The following FRMPD4 variants were observed in gnomAD, a reference collection of about 807,000 sequenced individuals.
FRMPD4 encodes the protein FERM and PDZ domain-containing protein 4.
Under a neutral mutation model 94.1 loss-of-function variants are expected in FRMPD4, and 22 were observed. That is an observed-to-expected ratio of 0.23 (90% CI 0.17 to 0.33). The LOEUF is 0.33. Among genes scored for constraint, FRMPD4 ranks in the 10% least tolerant of loss-of-function variants. The pLI is 1.00. For missense variants in FRMPD4, 1,111 were observed against 1,339.9 expected, an observed-to-expected ratio of 0.83 and a Z score of 2.67; for synonymous variants, 631 against 548.6, an observed-to-expected ratio of 1.15 and a Z score of -2.10.
At chrX:11,852,217 C>T (rs17281150) in intron 1 of FRMPD4, among the ~76,000 whole-genome samples, 14,103 of 109,457 alleles carry the variant, frequency 0.13, 1,129 homozygotes, top group African/African-American at 0.28. Context: ...ATCTGGGCCA[C>T]ACAATCTTCT....
intron 3 of FRMPD4, among the ~76,000 whole-genome samples, chrX:12,046,692 T>TG (rs2147447423): frequency 8.9e-6 from 1 of 112,103 alleles, no homozygotes; most frequent in African/African-American, 3.2e-5. Flanking sequence ...GGGTGAGGGA[T>TG]GGGGGAAGGG....
upstream of FRMPD4, among the ~76,000 whole-genome samples, chrX:12,134,324 A>C (rs1416503433): frequency 2.7e-5 from 3 of 112,353 alleles, no homozygotes; most frequent in Non-Finnish European, 5.6e-5. Context: ...CCTCCTCTTC[A>C]TAAGTTCTAT....
chrX:12,041,452 T>A (rs959735078), intron 3 of FRMPD4, among the ~76,000 whole-genome samples: 1 of 112,290 alleles, frequency 8.9e-6, no homozygotes, highest in Non-Finnish European at 1.9e-5. Flanking sequence ...TGGCTAACTT[T>A]TTTCTTTTAG....
At chrX:12,668,693 C>T (rs1328103945) in intron 4 of FRMPD4, among the ~76,000 whole-genome samples, 4 of 105,927 alleles carry the variant, frequency 3.8e-5, no homozygotes, top group Non-Finnish European at 5.8e-5. Context: ...CAACCTCCAC[C>T]TCCTGGGTTC....
chrX:11,853,432 A>G (rs2053636581), intron 1 of FRMPD4, among the ~76,000 whole-genome samples: 1 of 111,457 alleles, frequency 9.0e-6, no homozygotes, highest in African/African-American at 3.3e-5. Context: ...TCAAAAGATC[A>G]ATGAATCCAG....
intron 1 of FRMPD4, among the ~76,000 whole-genome samples, chrX:12,202,755 G>A (rs2056645707): frequency 8.9e-6 from 1 of 112,167 alleles, no homozygotes; most frequent in Admixed American, 9.4e-5. Flanking sequence ...GATGTCTGGT[G>A]TCCTAATAAG....
At chrX:12,623,933 A>G (rs889544123) in intron 4 of FRMPD4, among the ~76,000 whole-genome samples, 1 of 112,084 alleles carries the variant, frequency 8.9e-6, no homozygotes, top group Non-Finnish European at 1.9e-5. Context: ...AGTCTCAGCT[A>G]TTTGGGAGGC....
intron 1 of FRMPD4, among the ~76,000 whole-genome samples, chrX:12,425,171 G>T (rs1447226757): frequency 5.4e-5 from 6 of 111,960 alleles, no homozygotes; most frequent in Non-Finnish European, 9.4e-5. Flanking sequence ...TTTTTTCTGT[G>T]CCTTTATTTT....
At chrX:12,395,542 T>C (rs950146533) in intron 1 of FRMPD4, among the ~76,000 whole-genome samples, 3 of 111,627 alleles carry the variant, frequency 2.7e-5, no homozygotes, top group Admixed American at 9.5e-5. Context: ...AATTTTCATC[T>C]ATTCTCTCTT....
At chrX:12,267,397 C>T (rs753298876) in intron 1 of FRMPD4, among the ~76,000 whole-genome samples, 1 of 112,101 alleles carries the variant, frequency 8.9e-6, no homozygotes, top group African/African-American at 3.2e-5. Flanking sequence ...ATATACAGTG[C>T]TCCAAATAGC....
chrX:12,662,227 G>C (rs377370741), intron 4 of FRMPD4, among the ~76,000 whole-genome samples: 3 of 110,180 alleles, frequency 2.7e-5, no homozygotes, highest in South Asian at 7.9e-4. Flanking sequence ...TATACTGTAA[G>C]TTCTGGAGTA....
At chrX:12,466,405 G>T (rs997196827) in intron 1 of FRMPD4, among the ~76,000 whole-genome samples, 7 of 112,066 alleles carry the variant, frequency 6.2e-5, no homozygotes, top group Non-Finnish European at 1.3e-4. Context: ...AAATGACAAG[G>T]ATCATACTTT....
chrX:11,967,773 TTTTTTA>T (rs2054319219), intron 3 of FRMPD4, among the ~76,000 whole-genome samples: 1 of 104,325 alleles, frequency 9.6e-6, no homozygotes, highest in Non-Finnish European at 2.0e-5. Flanking sequence ...TTTTTTTTTT[TTTTTTA>T]AGGAAGCTGA....
chrX:12,081,827 A>T (rs1015328176), intron 3 of FRMPD4, among the ~76,000 whole-genome samples: 1 of 111,768 alleles, frequency 8.9e-6, no homozygotes, highest in Non-Finnish European at 1.9e-5. Flanking sequence ...CCTCATTCCT[A>T]TGAAATTTAT....
At chrX:12,540,242 T>C (rs771623685) in intron 2 of FRMPD4, among the ~76,000 whole-genome samples, 1 of 111,344 alleles carries the variant, frequency 9.0e-6, no homozygotes, top group East Asian at 2.8e-4. Flanking sequence ...CAGAACAATA[T>C]TAACCTTAAA....
At chrX:12,073,608 C>T (rs746330516) in intron 3 of FRMPD4, among the ~76,000 whole-genome samples, 1 of 112,250 alleles carries the variant, frequency 8.9e-6, no homozygotes, top group South Asian at 3.7e-4. Context: ...CATTACCATA[C>T]CAAATGGAAT....
chrX:12,076,117 GA>G, intron 3 of FRMPD4, among the ~76,000 whole-genome samples: 1 of 111,571 alleles, frequency 9.0e-6, no homozygotes, highest in Non-Finnish European at 1.9e-5. Context: ...GGTAGAGAAC[GA>G]AGAACATTTC....
intron 3 of FRMPD4, among the ~76,000 whole-genome samples, chrX:12,080,268 C>T (rs1410016980): frequency 8.9e-6 from 1 of 112,602 alleles, no homozygotes; most frequent in Non-Finnish European, 1.9e-5. Flanking sequence ...TTGGTTTACA[C>T]TTGTTTTCCT....
At chrX:12,267,484 A>C (rs7878057) in intron 1 of FRMPD4, among the ~76,000 whole-genome samples, 2,251 of 112,377 alleles carry the variant, frequency 0.02, 53 homozygotes, top group African/African-American at 0.069. Context: ...AGTCTTGATA[A>C]ATTTAGTAAC....
Sources: allele counts gnomAD v4.1 joint callset (sites outside exome capture counted in the v4.1 genomes callset), GRCh38; gene constraint gnomAD v4.1.1; transcripts MANE v1.5; gene names NCBI Gene and HGNC (gene_info 2026-07-23, HGNC 2026-07-21).